Variants in MYH7 observed in about 807,000 individuals in gnomAD.
The protein encoded by MYH7 is myosin-7.
A neutral mutation model predicts 225.4 loss-of-function variants in MYH7; 129 were observed. That is an observed-to-expected ratio of 0.57 (90% CI 0.50 to 0.66). The LOEUF (loss-of-function observed/expected upper bound fraction) is 0.66, where lower values mean the gene tolerates loss of function less well. Ranked by LOEUF, MYH7 falls within the 30% of genes least tolerant of loss-of-function variation. The pLI, the probability that MYH7 is intolerant of heterozygous loss-of-function variation, is 0.00. For synonymous variants in MYH7, 971 were observed against 1,007.6 expected, an observed-to-expected ratio of 0.96 and a Z score of 0.69; for missense variants, 1,649 against 2,517.0, an observed-to-expected ratio of 0.66 and a Z score of 7.38.
intron 11 of MYH7, 141 bp from the exon 12 acceptor site, chr14:23,430,054 AC>A (rs892336723): frequency 2.0e-6 from 2 of 1,000,062 alleles, no homozygotes; most frequent in African/African-American, 3.3e-5. Context: ...GAGCTCCAAA[AC>A]AAAGGATGTA....
At position 23,433,407 on chromosome 14, in the gene MYH7, C is replaced by G. The variant is rs1461856850; in HGVS notation, c.201+125G>C. The G allele has an allele frequency of 1.4e-6, 2 of 1,445,234 alleles. No homozygotes were observed. Among genetic ancestry groups the G allele is most frequent in the East Asian group, 4.6e-5 (2 of 43,926 alleles). 89.5% of individuals were successfully genotyped at this position (1,445,234 alleles called of 1,614,324 possible). A position where few individuals can be genotyped will look rare whatever the true frequency, so the allele number is the denominator to read the frequency against. On this transcript the variant is annotated intron_variant, in intron 3 of 39. Transcript: ENST00000355349. The surrounding 1 kb of genome is among the most constrained non-coding windows in gnomAD (Gnocchi z 4.1). ...GCTCTTTGGAGGGTCTGGATTCTTC[C>G]CCAAAGGGAAGGAGAATGGGACCAT...
At chr14:23,432,357 G>A (rs1892981950) in intron 6 of MYH7, 122 bp downstream of exon 6, 1 of 1,216,426 alleles carries the variant, frequency 8.2e-7, no homozygotes, top group South Asian at 1.2e-5. Context: ...AGAAGAAGGA[G>A]ATGGGCACGA....
chr14:23,427,318 G>A lies in MYH7; in HGVS notation c.1889-11C>T, dbSNP rs771303267. On this transcript the variant is annotated splice_polypyrimidine_tract_variant and intron_variant, in intron 16 of 39. Transcript: ENST00000355349. ...TGCCCTTCTCAATAGCTGCAGGAAG[G>A]AGAGTCAACAAAAGAAGCATCAGTG... 10 of 1,614,112 alleles carry A rather than the reference G, an allele frequency of 6.2e-6. No individual in the cohort carries two copies. In the South Asian group the frequency reaches 9.9e-5, roughly 16 times the overall value.
Position 23,425,760 on chromosome 14 carries a change from C to G in MYH7, c.2221G>C (p.Gly741Arg), listed in dbSNP as rs121913632. Residue 741 changes from glycine (G) to arginine (R), a missense_variant, in exon 20 of 40, where the codon GGG (glycine) becomes CGG (arginine). Physicochemically the swap from Gly to Arg is moderately radical, Grantham distance 125. Transcript: ENST00000355349. The surrounding 1 kb of genome is among the most constrained non-coding windows in gnomAD (Gnocchi z 4.6). ...PEGQFIDSRK[G>R]AEKLLSSLDI... ...AGGGAGCTGAGCAGCTTCTCTGCCC[C>G]CTTCCTGCTATCAATGAACTGTCCC... is the stretch of plus-strand genomic sequence containing the variant. 1.2e-6 allele frequency: 2 copies of G among 1,614,004 alleles called. No individual in the cohort carries two copies. Among genetic ancestry groups the G allele is most frequent in the Non-Finnish European group, 8.5e-7 (1 of 1,179,878 alleles).
At position 23,417,220 on chromosome 14, in the gene MYH7, G is replaced by A. The variant is rs61737803; in HGVS notation, c.4452C>T (p.Leu1484=). 4.7e-4 allele frequency: 751 copies of A among 1,614,188 alleles called. 2 individuals are homozygous for A. The African/African-American group carries it at 8.6e-3, about 19-fold the overall frequency. Residue 1484 remains leucine (L), a synonymous_variant, in exon 32 of 40, where the codon CTC becomes CTT. Transcript: ENST00000355349. ...ARSLSTELFK[L]KNAYEESLEH... is the part of the protein sequence containing the mutation. ...CCAGGGACTCCTCATAGGCGTTCTT[G>A]AGTTTGAAGAGCTCTGTGCTGAGGG...
intron 17 of MYH7, among the ~76,000 whole-genome samples, 174 bp downstream of exon 17, chr14:23,427,066 A>G (rs1012838756): frequency 1.3e-5 from 2 of 151,574 alleles, no homozygotes; most frequent in Non-Finnish European, 2.9e-5. Flanking sequence ...TGGGAAGTAA[A>G]TAAGTGAAGA....
At chr14:23,413,328 C>T (rs889361412) in intron 39 of MYH7, among the ~76,000 whole-genome samples, 5 of 152,140 alleles carry the variant, frequency 3.3e-5, no homozygotes, top group African/African-American at 1.2e-4. Context: ...GCCTGTAATC[C>T]CGTACTTTGG....
rs397516088 is a variant in MYH7 at position 23,429,850 on chromosome 14, C to T, written c.1063G>A (p.Ala355Thr). ...TTCATGTTTCCAAAGTGCATGATGG[C>T]GCCTGTCAGCTTATACATGGAGTTT... ...EKNSMYKLTG[A>T]IMHFGNMKFK... Residue 355 changes from alanine to threonine, a missense_variant, in exon 12 of 40, where the codon GCC becomes ACC. Physicochemically the swap from Ala to Thr is moderately conservative, Grantham distance 58. Coordinates refer to ENST00000355349, the MANE Select transcript of MYH7 (RefSeq NM_000257.4). The T allele has an allele frequency of 4.3e-6, 7 of 1,614,004 alleles. No homozygotes were observed. Among genetic ancestry groups the T allele is most frequent in the Admixed American group, 1.7e-5 (1 of 60,032 alleles).
rs774429242 is a variant in MYH7 at position 23,433,219 on chromosome 14, G to T, written c.210C>A (p.Thr70=). 2 of 1,614,132 alleles carry T rather than the reference G, an allele frequency of 1.2e-6. No homozygotes were observed. Among genetic ancestry groups the T allele is most frequent in the Non-Finnish European group, 1.7e-6 (2 of 1,180,022 alleles). ...GCTGCATCACCTGGTCCTCCTTCAC[G>T]GTCACTGTCTGCAAGAGCCCCCACC... ...TAETEYGKTV[T]VKEDQVMQQN... Residue 70 remains threonine (T), a synonymous_variant, in exon 4 of 40, where the codon ACC becomes ACA. Coordinates refer to ENST00000355349, the MANE Select transcript of MYH7 (RefSeq NM_000257.4). This position sits in a 1 kb window ranked among gnomAD's most constrained non-coding sequence, Gnocchi z 4.1.
chr14:23,415,813 T>C lies in MYH7; in HGVS notation c.4973A>G (p.Asp1658Gly), dbSNP rs1214910821. The stretch of plus-strand genomic sequence containing the variant: ...GTCGTCGTTGGCACGGACTGCATCG[T>C]CCAGCTGAATCTGGGTGTCCTGAGG... ...SLLKDTQIQL[D>G]DAVRANDDLK... is the part of the protein sequence containing the mutation. The change falls in exon 35 of 40, where the codon GAC becomes GGC. Residue 1658 changes from aspartate to glycine, a missense_variant. Physicochemically the swap from Asp to Gly is moderately conservative, Grantham distance 94. Coordinates refer to ENST00000355349, the MANE Select transcript of MYH7 (RefSeq NM_000257.4). This position sits in a 1 kb window ranked among gnomAD's most constrained non-coding sequence, Gnocchi z 6.3. 1 of 1,614,184 alleles carries C rather than the reference T, an allele frequency of 6.2e-7. No individual in the cohort carries two copies. The highest frequency in any genetic ancestry group is 1.7e-5 in the Admixed American group (1 of 60,026).
Position 23,415,286 on chromosome 14 carries a change from A to G in MYH7, c.5284-16T>C. The G allele has an allele frequency of 6.2e-7, 1 of 1,614,088 alleles. No individual in the cohort carries two copies. The highest frequency in any genetic ancestry group is 8.5e-7 in the Non-Finnish European group (1 of 1,180,032). ...TCATGGCGGCCTGTGTGCAGGAGAG[A>G]GGTGGCACATGGTCTGGTCAAGTCC... On this transcript the variant is annotated splice_polypyrimidine_tract_variant and intron_variant, in intron 36 of 39. Transcript: ENST00000355349. The surrounding 1 kb of genome is among the most constrained non-coding windows in gnomAD (Gnocchi z 6.3).
At chr14:23,418,534 C>T (rs951868358) in intron 29 of MYH7, 128 bp from the exon 30 acceptor site, 7 of 1,141,244 alleles carry the variant, frequency 6.1e-6, no homozygotes, top group Non-Finnish European at 8.4e-6. Flanking sequence ...CCCCAGTGGA[C>T]CTGTCATGGT....
At position 23,417,647 on chromosome 14, in the gene MYH7, G is replaced by A. The variant is rs537497927; in HGVS notation, c.4209C>T (p.Ala1403=). Residue 1403 remains alanine, a synonymous_variant, in exon 31 of 40, where the codon GCC becomes GCT. Coordinates refer to ENST00000355349, the MANE Select transcript of MYH7 (RefSeq NM_000257.4). The part of the protein sequence containing the change: ...LAQRLQEAEE[A]VEAVNAKCSS... Reference sequence around the variant, plus strand: ...AGCACTTGGCATTAACAGCCTCCACGGCCTCCTCAGCTTCCTGCAGCCGCT... The same window carrying A: ...AGCACTTGGCATTAACAGCCTCCACAGCCTCCTCAGCTTCCTGCAGCCGCT... The A allele has an allele frequency of 1.9e-6, 3 of 1,613,038 alleles. No homozygotes were observed. Among genetic ancestry groups the A allele is most frequent in the Admixed American group, 1.7e-5 (1 of 60,022 alleles).
chr14:23,435,358 G>T (rs1482483940), intron 1 of MYH7, among the ~76,000 whole-genome samples: 2 of 134,112 alleles, frequency 1.5e-5, no homozygotes, highest in African/African-American at 6.0e-5. Context: ...GACTATGCAG[G>T]CTTGTCCACA....
Position 23,418,350 on chromosome 14 carries a change from C to T in MYH7, c.4029G>A (p.Leu1343=), listed in dbSNP as rs1373150948. Residue 1343 remains leucine (L), a synonymous_variant, in exon 30 of 40, where the codon CTG becomes CTA. Transcript: ENST00000355349. The part of the protein sequence containing the change: ...LQSARHDCDL[L]REQYEEETEA... ...CCGTCTCCTCCTCGTACTGCTCCCG[C>T]AGCAGGTCGCAGTCATGCCGGGCCG... is the stretch of plus-strand genomic sequence containing the variant. 1.2e-6 allele frequency: 2 copies of T among 1,613,908 alleles called. No homozygotes were observed. Among genetic ancestry groups the T allele is most frequent in the Non-Finnish European group, 1.7e-6 (2 of 1,179,960 alleles).
At chr14:23,428,175 TG>T (rs1892772938) in intron 15 of MYH7, among the ~76,000 whole-genome samples, 1 of 152,128 alleles carries the variant, frequency 6.6e-6, no homozygotes, top group Admixed American at 6.6e-5. Context: ...TGAAAATAGG[TG>T]CACTCTTATG....
At position 23,433,820 on chromosome 14, in the gene MYH7, C is replaced by T. The variant is rs1893049586; in HGVS notation, c.-8-80G>A. 2 of 1,389,358 alleles carry T rather than the reference C, an allele frequency of 1.4e-6. No individual in the cohort carries two copies. Among genetic ancestry groups the T allele is most frequent in the Non-Finnish European group, 1.0e-6 (1 of 991,906 alleles). The allele number at this position is 1,389,358 out of a possible 1,614,324, so 86.1% of individuals were successfully genotyped here. On this transcript the variant is annotated intron_variant, in intron 2 of 39. Coordinates refer to ENST00000355349, the MANE Select transcript of MYH7 (RefSeq NM_000257.4). The surrounding 1 kb of genome is among the most constrained non-coding windows in gnomAD (Gnocchi z 4.1). ...CCTGGGCTCTCCCCTTCAGTGGGAG[C>T]CCCAAAACCTAGCACCATGCTCAAG... is the stretch of plus-strand genomic sequence containing the variant.
rs1437987804 is a variant in MYH7 at position 23,415,492 on chromosome 14, G to A, written c.5172C>T (p.Ile1724=). The change falls in exon 36 of 40, where the codon ATC becomes ATT. Residue 1724 remains isoleucine, a synonymous_variant. Coordinates refer to ENST00000355349, the MANE Select transcript of MYH7 (RefSeq NM_000257.4). The surrounding 1 kb of genome is among the most constrained non-coding windows in gnomAD (Gnocchi z 6.3). The part of the protein sequence containing the change: ...QLLHSQNTSL[I]NQKKKMDADL... The stretch of plus-strand genomic sequence containing the variant: ...CAGCATCCATCTTCTTCTTCTGGTT[G>A]ATGAGGCTGGTGTTCTGGGTTGGGG... 6.2e-7 allele frequency: 1 copy of A among 1,614,212 alleles called. No homozygotes were observed. Among genetic ancestry groups the A allele is most frequent in the South Asian group, 1.1e-5 (1 of 91,080 alleles).
rs1266310347 is a variant in MYH7, at chr14:23,420,994, G to A, written c.3300C>T (p.Leu1100=). 2.0e-5 allele frequency: 32 copies of A among 1,612,462 alleles called. No individual in the cohort carries two copies. Among genetic ancestry groups the A allele is most frequent in the Middle Eastern group, 2.1e-4 (1 of 4,792 alleles). Reference sequence around the variant, plus strand: ...TGAGCTTCTTCTGCAGCTGGCTGCCGAGGGCCTGTTCATCCTCAATCCTTG... The same window carrying A: ...TGAGCTTCTTCTGCAGCTGGCTGCCAAGGGCCTGTTCATCCTCAATCCTTG... ...LNARIEDEQA[L]GSQLQKKLKE... The change falls in exon 26 of 40, where the codon CTC becomes CTT. Residue 1100 remains leucine (L), a synonymous_variant. Transcript: ENST00000355349.
Sources: allele counts gnomAD v4.1 joint callset (sites outside exome capture counted in the v4.1 genomes callset), GRCh38; gene constraint gnomAD v4.1.1; non-coding constraint Gnocchi (gnomAD v3.1); transcripts MANE v1.5; gene names NCBI Gene and HGNC (gene_info 2026-07-23, HGNC 2026-07-21).